Variants in ESR2 observed in about 807,000 individuals in gnomAD.
The protein encoded by ESR2 is estrogen receptor 2.
ESR2 carries 36 observed loss-of-function variants against 49.6 expected under a neutral mutation model. That is an observed-to-expected ratio of 0.73 (90% confidence interval 0.56 to 0.96). The LOEUF is 0.96. ESR2 is among the 40% of genes least tolerant of loss of function. The probability of loss-of-function intolerance (pLI) is 0.00; values close to 1 mark genes in which losing one functional copy is unlikely to be tolerated. For missense variants in ESR2, 714 were observed against 693.0 expected, an observed-to-expected ratio of 1.03 and a Z score of -0.34; for synonymous variants, 320 against 266.1, an observed-to-expected ratio of 1.20 and a Z score of -1.97.
At chr14:64,271,152 C>A (rs1366514717) in intron 3 of ESR2, among the ~76,000 whole-genome samples, 1 of 151,704 alleles carries the variant, frequency 6.6e-6, no homozygotes, top group Non-Finnish European at 1.5e-5. Flanking sequence ...GTTGCCCAGG[C>A]TGGAGTTGCA....
intron 6 of ESR2, 131 bp downstream of exon 6, chr14:64,257,095 G>T: frequency 1.2e-6 from 1 of 809,914 alleles, no homozygotes; most frequent in South Asian, 1.6e-5. Flanking sequence ...CCCAGTGAAG[G>T]AGCTGATGAT....
At chr14:64,297,152 C>A (rs1371003570), upstream of ESR2, among the ~76,000 whole-genome samples, 3 of 152,150 alleles carry the variant, frequency 2.0e-5, no homozygotes, top group Non-Finnish European at 4.4e-5. Flanking sequence ...TGCCTGTCTC[C>A]AAAATATCCT....
intron 6 of ESR2, 146 bp downstream of exon 6, chr14:64,257,080 C>A: frequency 1.3e-6 from 1 of 741,508 alleles, no homozygotes; most frequent in South Asian, 1.7e-5. Context: ...TTCTCTGGTT[C>A]TTGACCCAGT....
exon 1 of ESR2, chr14:64,338,029 C>A (rs1192886952): frequency 6.5e-6 from 1 of 154,262 alleles, no homozygotes; most frequent in Non-Finnish European, 1.5e-5. Context: ...TGTCAGGCTT[C>A]CCAGGCAATC....
intron 1 of ESR2, among the ~76,000 whole-genome samples, chr14:64,326,996 C>T (rs528609286): frequency 4.6e-5 from 7 of 152,168 alleles, no homozygotes; most frequent in Non-Finnish European, 1.0e-4. Context: ...AACAAGATAA[C>T]AAAAATTGTT....
At chr14:64,251,214 T>C (rs1432700395) in intron 6 of ESR2, among the ~76,000 whole-genome samples, 1 of 151,790 alleles carries the variant, frequency 6.6e-6, no homozygotes, top group Non-Finnish European at 1.5e-5. Flanking sequence ...TGAATCACCT[T>C]GCCTGCGGAC....
intron 1 of ESR2, among the ~76,000 whole-genome samples, chr14:64,291,107 G>A (rs761338311): frequency 6.6e-6 from 1 of 152,108 alleles, no homozygotes; most frequent in South Asian, 2.1e-4. Flanking sequence ...TTTGGGACAG[G>A]GTCAGAGAGA....
Position 64,294,181 on chromosome 14 carries a change from C to T in ESR2, c.-239G>A, listed in dbSNP as rs1233721064. ...GCAGCTCAGGCTCCGGGCGCCAGCCCTGCCCCGCAGCCCCAGAGCCCGTCG... is the reference window on the plus strand; with the variant it reads ...GCAGCTCAGGCTCCGGGCGCCAGCCTTGCCCCGCAGCCCCAGAGCCCGTCG... On this transcript the variant is annotated 5_prime_UTR_variant, in exon 1 of 9. Coordinates refer to ENST00000341099, the MANE Select transcript of ESR2 (RefSeq NM_001437.3). The T allele has an allele frequency of 1.3e-5, 2 of 152,348 alleles. No homozygotes were observed. The highest frequency in any genetic ancestry group is 3.8e-4 in the East Asian group (2 of 5,196). 9.4% of individuals were successfully genotyped at this position (152,348 alleles called of 1,614,324 possible).
chr14:64,289,106 A>C (rs752233756), intron 1 of ESR2, among the ~76,000 whole-genome samples: 4 of 152,104 alleles, frequency 2.6e-5, no homozygotes, highest in African/African-American at 4.8e-5. Context: ...AGGCAATCTT[A>C]GACAAATCCA....
At chr14:64,335,387 A>G (rs916796794) in intron 1 of ESR2, among the ~76,000 whole-genome samples, 2 of 152,238 alleles carry the variant, frequency 1.3e-5, no homozygotes, top group Admixed American at 1.3e-4. Flanking sequence ...ACAGACATTC[A>G]TATCTCATGG....
chr14:64,307,633 C>T (rs1217014095), intron 1 of ESR2, among the ~76,000 whole-genome samples: 3 of 152,170 alleles, frequency 2.0e-5, no homozygotes, highest in Admixed American at 6.5e-5. Flanking sequence ...CTCCTGGGTT[C>T]ACGCCATTCT....
chr14:64,243,533 TCTCTA>T (rs1470944931), intron 7 of ESR2, among the ~76,000 whole-genome samples: 1 of 152,228 alleles, frequency 6.6e-6, no homozygotes, highest in Non-Finnish European at 1.5e-5. Flanking sequence ...ATGGGATGTG[TCTCTA>T]CTCTTGAGCT....
rs1429093282 is a variant in ESR2 at position 64,245,150 on chromosome 14, A to G, written c.1225+4396T>C. 2.0e-5 allele frequency among the ~76,000 whole-genome samples: 3 copies of G among 152,256 alleles called. No homozygotes were observed. In the East Asian group the frequency reaches 5.8e-4, roughly 29 times the overall value. On this transcript the variant is annotated intron_variant, in intron 7 of 8. Coordinates refer to ENST00000341099, the MANE Select transcript of ESR2 (RefSeq NM_001437.3). ...AGACTCACTTAACCTAGCAGTGAAAATTGTCCCATTTTCGCCATAGCAATG... is the reference window on the plus strand; with the variant it reads ...AGACTCACTTAACCTAGCAGTGAAAGTTGTCCCATTTTCGCCATAGCAATG...
chr14:64,259,458 A>G (rs959211333), intron 5 of ESR2, among the ~76,000 whole-genome samples: 1 of 152,236 alleles, frequency 6.6e-6, no homozygotes, highest in African/African-American at 2.4e-5. Flanking sequence ...ACTGTAAAGA[A>G]CAGCATGGAG....
rs28402888 is a variant in ESR2 at position 64,324,089 on chromosome 14, C to A, written c.-91+13809G>T. ...AGTTTGTGAGTAAAAGAAATGAGTG[C>A]GGTAGCCAGACTTTTAAGATGACCA... On this transcript the variant is annotated intron_variant, in intron 1 of 8. Coordinates refer to the ESR2 transcript ENST00000358599. Among the ~76,000 whole-genome samples, 8 of 152,116 alleles carry A rather than the reference C, an allele frequency of 5.3e-5. 1 individual carries two copies. The South Asian group carries it at 1.7e-3, about 32-fold the overall frequency.
chr14:64,280,758 C>T (rs1039252621), intron 2 of ESR2, among the ~76,000 whole-genome samples: 2 of 152,202 alleles, frequency 1.3e-5, no homozygotes, highest in African/African-American at 4.8e-5. Context: ...GCCTGTAATC[C>T]TAGCACATTG....
chr14:64,276,152 T>C (rs1001421757), intron 3 of ESR2, among the ~76,000 whole-genome samples: 2 of 152,148 alleles, frequency 1.3e-5, no homozygotes, highest in African/African-American at 4.8e-5. Flanking sequence ...CTATCAAAGT[T>C]GGTAATATTT....
intron 3 of ESR2, among the ~76,000 whole-genome samples, chr14:64,274,030 C>T (rs778541996): frequency 2.7e-4 from 40 of 150,816 alleles, no homozygotes; most frequent in Non-Finnish European, 4.9e-4. Context: ...GTCTTGACTT[C>T]CCGGTCCCAA....
chr14:64,277,307 G>T (rs2076574480), intron 3 of ESR2, among the ~76,000 whole-genome samples: 1 of 152,064 alleles, frequency 6.6e-6, no homozygotes, highest in Admixed American at 6.6e-5. Flanking sequence ...AATCAAGTTA[G>T]CAAGACAAGT....
Sources: gnomAD v4.1 joint callset for allele counts (sites outside exome capture counted in the v4.1 genomes callset) on GRCh38, gnomAD v4.1.1 for gene constraint, MANE v1.5 for transcripts, NCBI Gene and HGNC (gene_info 2026-07-23, HGNC 2026-07-21) for gene names.